CTNNA3: variants seen among roughly 807,000 people sequenced by gnomAD.
CTNNA3 encodes the protein catenin alpha 3.
Under a neutral mutation model 95.7 loss-of-function variants are expected in CTNNA3, and 76 were observed. The ratio of observed to expected loss-of-function variants is 0.79; its 90% confidence interval spans 0.66 to 0.96. CTNNA3 has a LOEUF of 0.96. Among genes scored for constraint, CTNNA3 ranks in the 40% least tolerant of loss-of-function variants. The pLI, the probability that CTNNA3 is intolerant of heterozygous loss-of-function variation, is 0.00. For synonymous variants in CTNNA3, 431 were observed against 374.4 expected (o/e 1.15, Z -1.74); for missense variants, 1,191 against 1,089.8 (o/e 1.09, Z -1.31).
intron 9 of CTNNA3, among the ~76,000 whole-genome samples, chr10:66,703,805 A>G (rs565749101): frequency 6.6e-6 from 1 of 152,302 alleles, no homozygotes; most frequent in East Asian, 1.9e-4. Flanking sequence ...CTGGGGCAAC[A>G]GTACCAAAAC....
chr10:66,467,701 G>A (rs996494999), intron 11 of CTNNA3, among the ~76,000 whole-genome samples: 7 of 151,980 alleles, frequency 4.6e-5, no homozygotes, highest in Admixed American at 3.3e-4. Context: ...AAGCCAACCC[G>A]CATAAAAGGG....
Position 66,189,740 on chromosome 10 carries a change from G to C in CTNNA3, c.1885-86491C>G, listed in dbSNP as rs930068891. On this transcript the variant is annotated intron_variant, in intron 13 of 17. Transcript: ENST00000433211. ...TTACAAGTAAAAATAAATTTATACT[G>C]TATTTTTATATTTAGGTATATGTTA... Among the ~76,000 whole-genome samples, 5 of 151,130 alleles carry C rather than the reference G, an allele frequency of 3.3e-5. No homozygotes were observed. In the South Asian group the frequency reaches 1.0e-3, roughly 31 times the overall value.
intron 11 of CTNNA3, among the ~76,000 whole-genome samples, chr10:66,467,904 G>A (rs1382994681): frequency 6.6e-6 from 1 of 151,948 alleles, no homozygotes; most frequent in Non-Finnish European, 1.5e-5. Context: ...GTAATTATTA[G>A]TCTCTGTTAA....
intron 5 of CTNNA3, among the ~76,000 whole-genome samples, chr10:67,345,701 T>G (rs1439609100): frequency 1.3e-5 from 2 of 152,180 alleles, no homozygotes; most frequent in Non-Finnish European, 2.9e-5. Flanking sequence ...CCCTTTATTT[T>G]TAGTCTATCT....
intron 14 of CTNNA3, among the ~76,000 whole-genome samples, chr10:66,073,800 C>T (rs1395629777): frequency 2.0e-5 from 3 of 152,044 alleles, no homozygotes; most frequent in East Asian, 3.9e-4. Flanking sequence ...CTTATCTTTA[C>T]ATCACCTTAT....
At chr10:66,977,997 G>A (rs370975149) in intron 7 of CTNNA3, among the ~76,000 whole-genome samples, 2 of 151,960 alleles carry the variant, frequency 1.3e-5, no homozygotes, top group East Asian at 3.9e-4. Context: ...AATCAAGGTT[G>A]TATATAGAAA....
chr10:67,366,587 G>A (rs1378589509), intron 5 of CTNNA3, among the ~76,000 whole-genome samples: 3 of 151,878 alleles, frequency 2.0e-5, no homozygotes, highest in Non-Finnish European at 4.4e-5. Context: ...GTTGCAGTGA[G>A]CAGGAATCCT....
chr10:67,093,936 C>A (rs575235874), intron 7 of CTNNA3, among the ~76,000 whole-genome samples: 2 of 151,946 alleles, frequency 1.3e-5, no homozygotes, highest in African/African-American at 4.8e-5. Context: ...CCAAAGAATA[C>A]CTCTTAAGGC....
chr10:67,056,362 G>C (rs1855429946), intron 7 of CTNNA3, among the ~76,000 whole-genome samples: 1 of 152,110 alleles, frequency 6.6e-6, no homozygotes, highest in Non-Finnish European at 1.5e-5. Context: ...GTCATTGTTA[G>C]TCTTCCCAAT....
intron 5 of CTNNA3, among the ~76,000 whole-genome samples, chr10:67,239,779 C>A (rs565381930): frequency 6.6e-6 from 1 of 152,026 alleles, no homozygotes; most frequent in Non-Finnish European, 1.5e-5. Flanking sequence ...GTCATATTAC[C>A]CATGTCATTA....
chr10:66,659,293 G>C (rs1197420496), intron 9 of CTNNA3, among the ~76,000 whole-genome samples: 1 of 151,844 alleles, frequency 6.6e-6, no homozygotes, highest in Non-Finnish European at 1.5e-5. Flanking sequence ...GATAGAAACT[G>C]ACTAGGTATT....
chr10:67,187,278 T>C (rs1025458120), intron 6 of CTNNA3, among the ~76,000 whole-genome samples: 2 of 152,196 alleles, frequency 1.3e-5, no homozygotes, highest in African/African-American at 4.8e-5. Context: ...CATTAATTTA[T>C]ACATGTGAAA....
intron 5 of CTNNA3, among the ~76,000 whole-genome samples, chr10:67,499,967 C>T (rs1839175117): frequency 6.6e-6 from 1 of 152,086 alleles, no homozygotes; most frequent in African/African-American, 2.4e-5. Flanking sequence ...TTCTTGTCTT[C>T]TGCTAGCTTT....
At chr10:67,445,247 A>G (rs1846699852) in intron 5 of CTNNA3, among the ~76,000 whole-genome samples, 1 of 152,086 alleles carries the variant, frequency 6.6e-6, no homozygotes, top group African/African-American at 2.4e-5. Context: ...ACACCAAAGA[A>G]AAGCAACTTC....
chr10:67,718,338 C>T (rs1057127756), intron 1 of CTNNA3, among the ~76,000 whole-genome samples: 1 of 152,168 alleles, frequency 6.6e-6, no homozygotes, highest in African/African-American at 2.4e-5. Flanking sequence ...CTGGTCAGAA[C>T]ACCCAATACT....
chr10:66,922,729 C>T (rs959621972), intron 7 of CTNNA3, among the ~76,000 whole-genome samples: 2 of 152,104 alleles, frequency 1.3e-5, no homozygotes, highest in Admixed American at 6.5e-5. Context: ...GAACATTTTT[C>T]CTTGTCAATC....
intron 7 of CTNNA3, among the ~76,000 whole-genome samples, chr10:66,995,905 G>A (rs1851303518): frequency 6.6e-6 from 1 of 152,142 alleles, no homozygotes; most frequent in African/African-American, 2.4e-5. Flanking sequence ...TATTTATGGA[G>A]TACTGATATT....
chr10:67,211,107 C>T (rs1864121725), intron 6 of CTNNA3, among the ~76,000 whole-genome samples: 1 of 151,832 alleles, frequency 6.6e-6, no homozygotes, highest in African/African-American at 2.4e-5. Context: ...TACTTATTTT[C>T]TAGCTCCCAT....
intron 7 of CTNNA3, among the ~76,000 whole-genome samples, chr10:66,907,676 C>T (rs1203109177): frequency 6.6e-6 from 1 of 152,038 alleles, no homozygotes; most frequent in African/African-American, 2.4e-5. Context: ...TTCACTCTAC[C>T]ATCAATTATA....
Sources: gnomAD v4.1 joint callset for allele counts (sites outside exome capture counted in the v4.1 genomes callset) on GRCh38, gnomAD v4.1.1 for gene constraint, MANE v1.5 for transcripts, NCBI Gene and HGNC (gene_info 2026-07-23, HGNC 2026-07-21) for gene names.